The following ENO4 variants were observed in gnomAD, a reference collection of about 807,000 sequenced individuals.
ENO4 encodes the protein enolase 4.
In ENO4, 53 loss-of-function variants were observed where a neutral mutation model predicts 63.2. The observed-to-expected ratio is 0.84, with a 90% CI of 0.67 to 1.05. ENO4 has a LOEUF of 1.05. ENO4 is among the 50% of genes least tolerant of loss of function. ENO4 has a pLI of 0.00. For missense variants in ENO4, 719 were observed against 772.0 expected (o/e 0.93, Z 0.81); for synonymous variants, 266 against 283.8 (o/e 0.94, Z 0.63).
chr10:116,887,898 A>G (rs1847215513), intron 10 of ENO4, among the ~76,000 whole-genome samples: 1 of 152,218 alleles, frequency 6.6e-6, no homozygotes, highest in South Asian at 2.1e-4. Context: ...CAAAAACAAC[A>G]GAACAAATGA....
At chr10:116,860,193 T>C (rs1234433734) in intron 4 of ENO4, among the ~76,000 whole-genome samples, 1 of 152,184 alleles carries the variant, frequency 6.6e-6, no homozygotes, top group African/African-American at 2.4e-5. Context: ...TAGAGATATA[T>C]GATGGACTCT....
chr10:116,881,216 C>T (rs1846998841), intron 13 of ENO4, among the ~76,000 whole-genome samples: 1 of 152,184 alleles, frequency 6.6e-6, no homozygotes, highest in East Asian at 1.9e-4. Flanking sequence ...CTGGCCTTTC[C>T]CCCAGTTTAT....
intron 8 of ENO4, among the ~76,000 whole-genome samples, chr10:116,870,074 T>C (rs1198571535): frequency 1.3e-5 from 2 of 152,206 alleles, no homozygotes; most frequent in Non-Finnish European, 2.9e-5. Context: ...TATTGCTTTG[T>C]TTGCCAAATA....
chr10:116,888,109 C>T (rs1037146094), intron 10 of ENO4, among the ~76,000 whole-genome samples: 5 of 152,188 alleles, frequency 3.3e-5, no homozygotes, highest in African/African-American at 1.2e-4. Context: ...CTATGTCTTC[C>T]TTGGAGGTGG....
intron 8 of ENO4, 32 bp downstream of exon 8, chr10:116,868,738 T>C: frequency 6.6e-7 from 1 of 1,523,982 alleles, no homozygotes; most frequent in Non-Finnish European, 8.9e-7. Flanking sequence ...CATCCTTCCA[T>C]ATGACACTGT....
intron 7 of ENO4, among the ~76,000 whole-genome samples, chr10:116,867,121 G>A (rs1846568878): frequency 6.6e-6 from 1 of 152,098 alleles, no homozygotes; most frequent in South Asian, 2.1e-4. Context: ...CAGGGTTACT[G>A]CAATCACCAT....
rs768037520 is a variant in ENO4 at position 116,879,939 on chromosome 10, A to G, written c.1676A>G (p.Asn559Ser). The change falls in exon 13 of 14, where the codon AAC becomes AGC. Residue 559 changes from asparagine (N) to serine (S), a missense_variant. Asn to Ser is a conservative substitution (Grantham distance 46). Around this residue, in one of 3 missense-constraint regions of ENO4, gnomAD observed 168 missense variants for 163.3 expected, o/e 1.03. Transcript: ENST00000341276. ...CGTGGTGAACGAGTGACTAAATACA[A>G]CCGCCTTCTCACTATAGAGGAAGAA... ...LSRGERVTKY[N>S]RLLTIEEELV... The G allele has an allele frequency of 5.9e-5, 92 of 1,550,652 alleles. No individual in the cohort carries two copies. The highest frequency in any genetic ancestry group is 7.9e-5 in the Non-Finnish European group (91 of 1,147,024).
At chr10:116,883,166 C>T (rs186570355), downstream of ENO4, 3 of 152,306 alleles carry the variant, frequency 2.0e-5, no homozygotes. Context: ...GCAGTTTACT[C>T]ACCTATCCTC....
At chr10:116,896,817 T>C (rs1174562602) in intron 10 of ENO4, among the ~76,000 whole-genome samples, 1 of 150,408 alleles carries the variant, frequency 6.6e-6, no homozygotes, top group East Asian at 1.9e-4. Context: ...TTTTTTTTTT[T>C]TTTTTGAGTT....
intron 10 of ENO4, among the ~76,000 whole-genome samples, chr10:116,905,208 CAAAAAAAA>C (rs772309175): frequency 3.2e-5 from 2 of 63,422 alleles, no homozygotes; most frequent in African/African-American, 9.7e-5. Context: ...GACTCCGTCT[CAAAAAAAA>C]AAAAAAAAAA....
chr10:116,851,110 C>A (rs1846069598), intron 1 of ENO4, among the ~76,000 whole-genome samples: 2 of 152,240 alleles, frequency 1.3e-5, no homozygotes, highest in Admixed American at 6.5e-5. Context: ...GGACTAAAAA[C>A]ATGGACTCTT....
At chr10:116,892,458 C>T (rs1326040607) in intron 10 of ENO4, among the ~76,000 whole-genome samples, 1 of 152,182 alleles carries the variant, frequency 6.6e-6, no homozygotes, top group Non-Finnish European at 1.5e-5. Flanking sequence ...GGAAAATCCA[C>T]TCAGATTCCA....
intron 1 of ENO4, among the ~76,000 whole-genome samples, chr10:116,854,041 C>A (rs1177211070): frequency 6.6e-6 from 1 of 152,218 alleles, no homozygotes; most frequent in African/African-American, 2.4e-5. Context: ...CGTTTTCTTG[C>A]AGGCTTCTCG....
intron 10 of ENO4, chr10:116,911,412 T>G: frequency 6.6e-7 from 1 of 1,508,096 alleles, no homozygotes; most frequent in Non-Finnish European, 8.9e-7. Context: ...CATTTAGGAT[T>G]CTCCTTTTAG....
intron 10 of ENO4, chr10:116,901,258 C>T: frequency 3.0e-6 from 3 of 985,336 alleles, no homozygotes; most frequent in Non-Finnish European, 3.6e-6. Context: ...CAAAGTGCCA[C>T]TCTGAAGCAA....
At chr10:116,862,651 AT>A in intron 6 of ENO4, 147 bp from the exon 7 acceptor site, 2 of 611,242 alleles carry the variant, frequency 3.3e-6, no homozygotes, top group Non-Finnish European at 5.8e-6. Flanking sequence ...GAAGATTAAC[AT>A]TTAATCTACT....
intron 10 of ENO4, among the ~76,000 whole-genome samples, chr10:116,889,091 A>G (rs1847253835): frequency 6.6e-6 from 1 of 152,200 alleles, no homozygotes; most frequent in Non-Finnish European, 1.5e-5. Flanking sequence ...AACCCATACT[A>G]ACCTTCATCA....
chr10:116,861,232 AAAAAATAT>A, intron 6 of ENO4, 42 bp downstream of exon 6: 2 of 514,088 alleles, frequency 3.9e-6, no homozygotes, highest in Non-Finnish European at 5.6e-6. Context: ...AAAAAAAAAA[AAAAAATAT>A]ATATATATAT....
intron 10 of ENO4, among the ~76,000 whole-genome samples, chr10:116,874,969 C>T (rs1846787404): frequency 6.6e-6 from 1 of 152,068 alleles, no homozygotes; most frequent in South Asian, 2.1e-4. Flanking sequence ...CCACTGTGCC[C>T]GACCTGCAAA....
Sources: allele counts gnomAD v4.1 joint callset (sites outside exome capture counted in the v4.1 genomes callset), GRCh38; gene constraint gnomAD v4.1.1; regional missense constraint gnomAD v4.1.1; transcripts MANE v1.5; gene names NCBI Gene and HGNC (gene_info 2026-07-23, HGNC 2026-07-21).